RMDN2: variants seen among roughly 807,000 people sequenced by gnomAD.
RMDN2 encodes the protein regulator of microtubule dynamics protein 2.
RMDN2 carries 61 observed loss-of-function variants against 52.8 expected under a neutral mutation model. That is an observed-to-expected ratio of 1.16 (90% confidence interval 0.94 to 1.43). RMDN2 has a LOEUF of 1.43. RMDN2 is among the 40% of genes most tolerant of loss of function. The probability of loss-of-function intolerance (pLI) is 0.00; values close to 1 mark genes in which losing one functional copy is unlikely to be tolerated. For missense variants in RMDN2, 592 were observed against 475.3 expected, an observed-to-expected ratio of 1.25 and a Z score of -2.28; for synonymous variants, 180 against 153.1, an observed-to-expected ratio of 1.18 and a Z score of -1.30.
At chr2:38,005,291 C>T (rs536584751) in intron 10 of RMDN2, among the ~76,000 whole-genome samples, 2,198 of 152,220 alleles carry the variant, frequency 0.014, 40 homozygotes, top group African/African-American at 0.048. Flanking sequence ...ACTTGCACAA[C>T]GGTTGAACTA....
intron 2 of RMDN2, among the ~76,000 whole-genome samples, chr2:37,970,384 A>G (rs940223584): frequency 4.6e-5 from 7 of 152,202 alleles, no homozygotes; most frequent in African/African-American, 1.7e-4. Context: ...TTTCTAGTAT[A>G]ATCTCAATTT....
At chr2:37,978,124 GC>G (rs1672789687) in intron 4 of RMDN2, among the ~76,000 whole-genome samples, 1 of 152,202 alleles carries the variant, frequency 6.6e-6, no homozygotes, top group African/African-American at 2.4e-5. Flanking sequence ...CTAGAGACCA[GC>G]CCGGCCAACA....
Position 38,017,313 on chromosome 2 carries a change from T to G in RMDN2, c.*74T>G. 3 of 1,459,224 alleles carry G rather than the reference T, an allele frequency of 2.1e-6. No individual in the cohort carries two copies. In the Middle Eastern group the frequency reaches 5.4e-4, roughly 262 times the overall value. 90.4% of individuals were successfully genotyped at this position (1,459,224 alleles called of 1,614,324 possible). Reference sequence around the variant, plus strand: ...AAATGAATCAAAGTTGTGCTTTTATTATCCTTCATTTTTGATGTAAGGGTA... The same window carrying G: ...AAATGAATCAAAGTTGTGCTTTTATGATCCTTCATTTTTGATGTAAGGGTA... On this transcript the variant is annotated 3_prime_UTR_variant, in exon 11 of 11. Coordinates refer to ENST00000354545, the MANE Select transcript of RMDN2 (RefSeq NM_001170791.3).
intron 2 of RMDN2, among the ~76,000 whole-genome samples, chr2:37,972,004 A>C (rs1671871153): frequency 6.6e-6 from 1 of 152,264 alleles, no homozygotes; most frequent in African/African-American, 2.4e-5. Context: ...CCATGAATTT[A>C]GGTCATTTTA....
rs373242125 is a variant in RMDN2, at chr2:37,932,558, A to G, written c.452+2829A>G. 3.4e-3 allele frequency among the ~76,000 whole-genome samples: 509 copies of G among 147,978 alleles called. 5 individuals are homozygous for G. The highest frequency in any genetic ancestry group is 0.013 in the East Asian group (66 of 5,000). ...AAAACCGCCATTGTCATCATGGCCC[A>G]TTCTCAATGAGCTGTTGGGTACACC... On this transcript the variant is annotated intron_variant, in intron 2 of 10. Transcript: ENST00000354545.
At chr2:37,983,692 A>T (rs1191376353) in intron 5 of RMDN2, among the ~76,000 whole-genome samples, 1 of 152,210 alleles carries the variant, frequency 6.6e-6, no homozygotes, top group Non-Finnish European at 1.5e-5. Flanking sequence ...TGACTTGAGA[A>T]GCAATGGGTG....
intron 2 of RMDN2, among the ~76,000 whole-genome samples, chr2:37,930,080 C>A (rs1481255115): frequency 6.6e-6 from 1 of 152,240 alleles, no homozygotes; most frequent in Non-Finnish European, 1.5e-5. Context: ...AAAGAACTTT[C>A]CGCAGTGATG....
In RMDN2 at chr2:37,938,008, A is replaced by G. The variant is rs553853352; in HGVS notation, c.452+8279A>G. The stretch of plus-strand genomic sequence containing the variant: ...TGCTTACACCTTTTGCCCATTCAAT[A>G]TGATATTGGCTGTAGTTTTGTCATA... On this transcript the variant is annotated intron_variant, in intron 2 of 10. Coordinates refer to ENST00000354545, the MANE Select transcript of RMDN2 (RefSeq NM_001170791.3). Among the ~76,000 whole-genome samples, 16 of 152,318 alleles carry G rather than the reference A, an allele frequency of 1.1e-4. No homozygotes were observed. The East Asian group carries it at 1.3e-3, about 13-fold the overall frequency.
intron 4 of RMDN2, among the ~76,000 whole-genome samples, chr2:37,976,882 G>A (rs1322364086): frequency 6.6e-6 from 1 of 150,396 alleles, no homozygotes; most frequent in Non-Finnish European, 1.5e-5. Context: ...TCATTCTTGG[G>A]TGTTTCTCGG....
intron 10 of RMDN2, among the ~76,000 whole-genome samples, chr2:38,011,079 C>G (rs1166874512): frequency 6.6e-6 from 1 of 152,150 alleles, no homozygotes; most frequent in African/African-American, 2.4e-5. Context: ...TGGAGATTAA[C>G]TATGTAGGCA....
intron 2 of RMDN2, among the ~76,000 whole-genome samples, chr2:37,969,961 C>CT (rs1266809886): frequency 6.6e-6 from 1 of 151,064 alleles, no homozygotes; most frequent in African/African-American, 2.4e-5. Flanking sequence ...TCAACAGTTT[C>CT]TTACTCTGTC....
intron 2 of RMDN2, among the ~76,000 whole-genome samples, chr2:37,968,090 T>G (rs1443450947): frequency 6.6e-6 from 1 of 152,144 alleles, no homozygotes; most frequent in Non-Finnish European, 1.5e-5. Flanking sequence ...ATGTTGTATG[T>G]GGTAGTTTCT....
Position 37,991,297 on chromosome 2 carries a change from T to G in RMDN2, c.945T>G (p.Thr315=), listed in dbSNP as rs774706951. The G allele has an allele frequency of 8.9e-6, 13 of 1,461,704 alleles. No individual in the cohort carries two copies. Among genetic ancestry groups the G allele is most frequent in the Non-Finnish European group, 1.2e-5 (13 of 1,084,276 alleles). 90.5% of individuals were successfully genotyped at this position (1,461,704 alleles called of 1,614,324 possible). ...LYYLKGRYCY[T]VSKLSWIEKK... ...ACCTCAAAGGGAGATACTGCTATAC[T>G]GTAAGTTGAATGCCTTTATTTATAA... The change falls in exon 7 of 11, where the codon ACT becomes ACG. Residue 315 remains threonine (T), a splice_region_variant and synonymous_variant. Coordinates refer to ENST00000354545, the MANE Select transcript of RMDN2 (RefSeq NM_001170791.3).
intron 10 of RMDN2, chr2:38,066,938 A>G: frequency 6.2e-7 from 1 of 1,610,846 alleles, no homozygotes; most frequent in East Asian, 2.2e-5. Flanking sequence ...TTTCAATGCC[A>G]TTTTGTGCAA....
intron 10 of RMDN2, among the ~76,000 whole-genome samples, chr2:38,050,786 G>C (rs963907432): frequency 6.6e-6 from 1 of 152,132 alleles, no homozygotes; most frequent in Non-Finnish European, 1.5e-5. Context: ...TGAGACAGAG[G>C]CTCGCTCTGT....
intron 4 of RMDN2, among the ~76,000 whole-genome samples, chr2:37,979,263 A>G (rs1672986479): frequency 6.6e-6 from 1 of 152,188 alleles, no homozygotes; most frequent in Non-Finnish European, 1.5e-5. Context: ...AGAGGCATAA[A>G]TAAGATGAAG....
intron 10 of RMDN2, among the ~76,000 whole-genome samples, chr2:38,032,051 C>T (rs1341711650): frequency 6.6e-6 from 1 of 152,158 alleles, no homozygotes; most frequent in Non-Finnish European, 1.5e-5. Context: ...TCCCTAAAAC[C>T]CATTCATAGA....
chr2:37,940,551 T>G (rs117293002), intron 2 of RMDN2, among the ~76,000 whole-genome samples: 2,463 of 152,296 alleles, frequency 0.016, 193 homozygotes, highest in Admixed American at 0.12. Flanking sequence ...TTTCAGATAG[T>G]CCCATGTTTC....
chr2:37,998,533 A>G lies in RMDN2; in HGVS notation c.1044+1019A>G, dbSNP rs143137957. 6.8e-3 allele frequency among the ~76,000 whole-genome samples: 1,038 copies of G among 152,228 alleles called. 7 individuals are homozygous for G. The highest frequency in any genetic ancestry group is 0.024 in the African/African-American group (982 of 41,510). On this transcript the variant is annotated intron_variant, in intron 8 of 10. Coordinates refer to ENST00000354545, the MANE Select transcript of RMDN2 (RefSeq NM_001170791.3). Reference sequence around the variant, plus strand: ...AGAGCATGACCTTATCTCAAAAATAATAATAATAAACGTCTTGTACATGCT... The same window carrying G: ...AGAGCATGACCTTATCTCAAAAATAGTAATAATAAACGTCTTGTACATGCT...
Sources: gnomAD v4.1 joint callset for allele counts (sites outside exome capture counted in the v4.1 genomes callset) on GRCh38, gnomAD v4.1.1 for gene constraint, MANE v1.5 for transcripts, NCBI Gene and HGNC (gene_info 2026-07-23, HGNC 2026-07-21) for gene names.